ATP7A: variants seen among roughly 807,000 people sequenced by gnomAD.
The protein encoded by ATP7A is copper-transporting ATPase 1.
Under a neutral mutation model 83.5 loss-of-function variants are expected in ATP7A, and 7 were observed. That is an observed-to-expected ratio of 0.08 (90% CI 0.05 to 0.16). The LOEUF is 0.16. Ranked by LOEUF, ATP7A falls within the 10% of genes least tolerant of loss-of-function variation. The pLI is 1.00. For missense variants in ATP7A, 940 were observed against 1,120.8 expected (o/e 0.84, Z 2.30); for synonymous variants, 354 against 395.2 (o/e 0.90, Z 1.24).
At chrX:78,004,840 G>A (rs1471124900) in intron 6 of ATP7A, among the ~76,000 whole-genome samples, 4 of 111,411 alleles carry the variant, frequency 3.6e-5, no homozygotes, top group African/African-American at 1.3e-4. Flanking sequence ...CCAAGACTGC[G>A]CCACTGCACT....
rs375581347 is a variant in ATP7A, at chrX:77,990,099, G to A, written c.1336+141G>A. ...ATATGTCCTATGGAGGTAGCCAGCAGTATATACAAAGATGCATAAGGATGT... is the reference window on the plus strand; with the variant it reads ...ATATGTCCTATGGAGGTAGCCAGCAATATATACAAAGATGCATAAGGATGT... On this transcript the variant is annotated intron_variant, in intron 4 of 22. Coordinates refer to ENST00000341514, the MANE Select transcript of ATP7A (RefSeq NM_000052.7). 44 of 762,705 alleles carry A rather than the reference G, an allele frequency of 5.8e-5. 1 individual carries two copies. The East Asian group carries it at 1.1e-3, about 19-fold the overall frequency. 62.9% of individuals were successfully genotyped at this position (762,705 alleles called of 1,213,427 possible).
chrX:78,009,383 C>G (rs1557234135), intron 7 of ATP7A, 120 bp downstream of exon 7: 1 of 809,280 alleles, frequency 1.2e-6, no homozygotes, highest in Non-Finnish European at 1.9e-6. Flanking sequence ...TTGAACACTT[C>G]AAACAAGATC....
intron 4 of ATP7A, among the ~76,000 whole-genome samples, chrX:77,995,837 G>A (rs1157291552): frequency 2.7e-5 from 3 of 110,505 alleles, no homozygotes; most frequent in African/African-American, 6.6e-5. Flanking sequence ...TCCGCCTCCC[G>A]GGTTCAAGCG....
chrX:77,912,945 T>C (rs1384546983), intron 1 of ATP7A, among the ~76,000 whole-genome samples: 2 of 111,884 alleles, frequency 1.8e-5, no homozygotes, highest in Non-Finnish European at 3.8e-5. Context: ...ATCTCTGTTC[T>C]CTAAAGCAGA....
intron 7 of ATP7A, among the ~76,000 whole-genome samples, chrX:78,009,903 G>T (rs782708370): frequency 8.9e-6 from 1 of 112,711 alleles, no homozygotes; most frequent in Non-Finnish European, 1.9e-5. Context: ...GAAGGTTACT[G>T]TGAGAGAGAC....
At chrX:77,948,163 G>T (rs1220112908) in intron 1 of ATP7A, among the ~76,000 whole-genome samples, 1 of 108,083 alleles carries the variant, frequency 9.3e-6, no homozygotes, top group African/African-American at 3.4e-5. Flanking sequence ...GTCTTGCTCT[G>T]TCACCCAGGC....
chrX:77,962,991 A>G (rs1557228257), intron 1 of ATP7A: 1 of 238,445 alleles, frequency 4.2e-6, no homozygotes, highest in East Asian at 1.2e-4. Flanking sequence ...GATAATATCT[A>G]GCAGTTCTCT....
chrX:77,978,762 T>TA (rs2077589516), intron 2 of ATP7A, among the ~76,000 whole-genome samples: 1 of 112,126 alleles, frequency 8.9e-6, no homozygotes, highest in Admixed American at 9.5e-5. Flanking sequence ...GCATTATTAA[T>TA]AAAAATGTTA....
chrX:78,014,891 A>C, intron 11 of ATP7A, 138 bp downstream of exon 11: 2 of 504,158 alleles, frequency 4.0e-6, no homozygotes, highest in Non-Finnish European at 3.3e-6. Context: ...ACATTTTGCC[A>C]TACTTCATCT....
chrX:78,015,654 T>C, intron 11 of ATP7A, 100 bp from the exon 12 acceptor site: 2 of 1,082,100 alleles, frequency 1.8e-6, no homozygotes, highest in Non-Finnish European at 2.6e-6. Flanking sequence ...TTGGCAGTAA[T>C]TATGGAGCCA....
intron 6 of ATP7A, among the ~76,000 whole-genome samples, chrX:78,007,515 T>C (rs2077784867): frequency 9.0e-6 from 1 of 111,032 alleles, no homozygotes; most frequent in African/African-American, 3.3e-5. Context: ...GTAGTAGAGA[T>C]GGGGTTTTAC....
At chrX:77,994,639 A>C (rs2077690191) in intron 4 of ATP7A, among the ~76,000 whole-genome samples, 1 of 110,484 alleles carries the variant, frequency 9.1e-6, no homozygotes, top group Non-Finnish European at 1.9e-5. Flanking sequence ...TCCGGGGCTT[A>C]AGCGATCTTC....
intron 14 of ATP7A, among the ~76,000 whole-genome samples, chrX:78,024,490 G>T (rs1268626574): frequency 1.8e-5 from 2 of 111,806 alleles, no homozygotes; most frequent in East Asian, 5.6e-4. Context: ...CCCACCAGGG[G>T]CCAGCTAGCG....
chrX:77,940,120 A>G (rs782285889), intron 1 of ATP7A, among the ~76,000 whole-genome samples: 2 of 111,067 alleles, frequency 1.8e-5, no homozygotes, highest in African/African-American at 6.5e-5. Flanking sequence ...CTTATTAGAC[A>G]AAAAAATGCA....
In ATP7A at chrX:77,969,213, A is replaced by G. The variant is rs782486938; in HGVS notation, c.-21-2408A>G. On this transcript the variant is annotated intron_variant, in intron 1 of 22. Coordinates refer to ENST00000341514, the MANE Select transcript of ATP7A (RefSeq NM_000052.7). ...GTAGCTGATCTTCTGTGAGGTCTGC[A>G]TACCTGCGATCCTTACTGATGTTGC... 52 of 1,210,287 alleles carry G rather than the reference A, an allele frequency of 4.3e-5. No homozygotes were observed. The highest frequency in any genetic ancestry group is 5.4e-5 in the Non-Finnish European group (48 of 895,268).
At chrX:78,029,090 G>C (rs1232888979) in intron 14 of ATP7A, among the ~76,000 whole-genome samples, 160 bp from the exon 15 acceptor site, 15 of 112,166 alleles carry the variant, frequency 1.3e-4, no homozygotes, top group African/African-American at 4.9e-4. Flanking sequence ...ATAAAAGAAA[G>C]AAAGTGTTTT....
In ATP7A at chrX:78,003,169, G is replaced by T; in HGVS notation, c.1640G>T (p.Arg547Leu). Reference sequence around the variant, plus strand: ...CCCCCAATGATAGCAGAGTTCATCCGAGAACTTGGATTTGGAGCCACTGTG... The same window carrying T: ...CCCCCAATGATAGCAGAGTTCATCCTAGAACTTGGATTTGGAGCCACTGTG... ...IQPPMIAEFI[R>L]ELGFGATVIE... The change falls in exon 6 of 23, where the codon CGA (arginine) becomes CTA (leucine). Residue 547 changes from arginine (R) to leucine (L), a missense_variant. Arg to Leu is a moderately radical substitution (Grantham distance 102, BLOSUM62 -2). Coordinates refer to ENST00000341514, the MANE Select transcript of ATP7A (RefSeq NM_000052.7). The T allele has an allele frequency of 8.3e-7, 1 of 1,210,053 alleles. No individual in the cohort carries two copies. Among genetic ancestry groups the T allele is most frequent in the Non-Finnish European group, 1.1e-6 (1 of 894,229 alleles).
At chrX:78,031,139 C>T (rs992934176) in intron 15 of ATP7A, among the ~76,000 whole-genome samples, 2 of 111,846 alleles carry the variant, frequency 1.8e-5, no homozygotes, top group African/African-American at 3.2e-5. Flanking sequence ...TAAAAATTAG[C>T]TCTAGTTGTT....
chrX:77,932,064 C>A (rs1406637188), intron 1 of ATP7A, among the ~76,000 whole-genome samples: 1 of 110,405 alleles, frequency 9.1e-6, no homozygotes, highest in African/African-American at 3.3e-5. Context: ...ACCTCCCTCC[C>A]GGATGGGGTG....
Sources: gnomAD v4.1 joint callset for allele counts (sites outside exome capture counted in the v4.1 genomes callset) on GRCh38, gnomAD v4.1.1 for gene constraint, MANE v1.5 for transcripts, NCBI Gene and HGNC (gene_info 2026-07-23, HGNC 2026-07-21) for gene names.